The following CLEC19A variants were observed in gnomAD, a reference collection of about 807,000 sequenced individuals.
The protein encoded by CLEC19A is C-type lectin domain containing 19A.
Under a neutral mutation model 26.1 loss-of-function variants are expected in CLEC19A, and 21 were observed. That is an observed-to-expected ratio of 0.80 (90% CI 0.57 to 1.16). The LOEUF (loss-of-function observed/expected upper bound fraction) is 1.16. Ranked by LOEUF, CLEC19A falls within the 50% of genes most tolerant of loss-of-function variation. The pLI is 0.00. For synonymous variants in CLEC19A, 89 were observed against 88.6 expected (o/e 1.00, Z -0.03); for missense variants, 224 against 227.6 (o/e 0.98, Z 0.10).
At chr16:19,307,464 T>C in intron 3 of CLEC19A, 81 bp from the exon 4 acceptor site, 1 of 1,504,234 alleles carries the variant, frequency 6.6e-7, no homozygotes, top group Non-Finnish European at 9.0e-7. Flanking sequence ...TGCTAAGACG[T>C]CTGAGCTGGA....
At chr16:19,299,833 C>T (rs997960379) in intron 2 of CLEC19A, among the ~76,000 whole-genome samples, 8 of 152,212 alleles carry the variant, frequency 5.3e-5, no homozygotes, top group Admixed American at 2.6e-4. Flanking sequence ...ACCCAAGCTA[C>T]AAATCACAAT....
intron 1 of CLEC19A, among the ~76,000 whole-genome samples, chr16:19,291,433 CA>C (rs1897581236): frequency 6.6e-6 from 1 of 152,210 alleles, no homozygotes; most frequent in Non-Finnish European, 1.5e-5. Flanking sequence ...GCAAGTTGGC[CA>C]ACCTTTCTGT....
intron 1 of CLEC19A, among the ~76,000 whole-genome samples, chr16:19,286,269 G>GAA (rs1897468796): frequency 1.3e-5 from 2 of 152,378 alleles, no homozygotes; most frequent in South Asian, 4.1e-4. Flanking sequence ...ATAACATGAG[G>GAA]AAAGTGCTTT....
chr16:19,293,198 G>A (rs1213914206), intron 1 of CLEC19A, among the ~76,000 whole-genome samples: 1 of 152,184 alleles, frequency 6.6e-6, no homozygotes, highest in Non-Finnish European at 1.5e-5. Context: ...GCCAATTCTT[G>A]TCAATTTTAT....
At chr16:19,286,006 G>T in intron 1 of CLEC19A, 67 bp downstream of exon 1, 1 of 1,456,522 alleles carries the variant, frequency 6.9e-7, no homozygotes. Context: ...TATTCTATCG[G>T]TGAGGCCTGG....
At chr16:19,295,346 G>T (rs936421485) in intron 1 of CLEC19A, among the ~76,000 whole-genome samples, 1 of 152,020 alleles carries the variant, frequency 6.6e-6, no homozygotes, top group Non-Finnish European at 1.5e-5. Flanking sequence ...AGGACTACAG[G>T]CACACTCCAC....
At chr16:19,301,740 T>TTTG (rs1567255417) in intron 2 of CLEC19A, among the ~76,000 whole-genome samples, 4 of 94,818 alleles carry the variant, frequency 4.2e-5, no homozygotes, top group African/African-American at 6.4e-5. Context: ...TTTTTGGTTT[T>TTTG]TTTTTTTTTT....
chr16:19,301,543 G>A (rs179215), intron 2 of CLEC19A, among the ~76,000 whole-genome samples: 92,280 of 151,772 alleles, frequency 0.61, 29,227 homozygotes, highest in East Asian at 0.83. Flanking sequence ...TCAACTTGGA[G>A]ATAGCAATAA....
intron 1 of CLEC19A, among the ~76,000 whole-genome samples, chr16:19,297,471 TA>T (rs1339921959): frequency 6.6e-6 from 1 of 152,182 alleles, no homozygotes; most frequent in African/African-American, 2.4e-5. Context: ...ATTAAAGCCT[TA>T]AAAATCTCTC....
At chr16:19,302,675 T>C (rs943724823) in intron 2 of CLEC19A, among the ~76,000 whole-genome samples, 2 of 152,194 alleles carry the variant, frequency 1.3e-5, no homozygotes, top group African/African-American at 4.8e-5. Flanking sequence ...CTGTGAATGA[T>C]TTGAGTGAGG....
At chr16:19,303,951 C>T in intron 2 of CLEC19A, 111 bp from the exon 3 acceptor site, 1 of 834,766 alleles carries the variant, frequency 1.2e-6, no homozygotes. Flanking sequence ...TGGATCATAT[C>T]CTCTATTTAC....
chr16:19,286,029 G>C (rs1246092725), intron 1 of CLEC19A, 90 bp downstream of exon 1: 6 of 1,324,894 alleles, frequency 4.5e-6, no homozygotes, highest in Non-Finnish European at 4.2e-6. Flanking sequence ...GCTTCTGTTG[G>C]GGGGTTGGGG....
intron 1 of CLEC19A, among the ~76,000 whole-genome samples, chr16:19,295,300 T>G (rs1897683804): frequency 1.3e-5 from 2 of 152,018 alleles, no homozygotes; most frequent in African/African-American, 4.8e-5. Context: ...ATTTCGATCT[T>G]CCATACTCAA....
chr16:19,301,735 GGTTTTTTTTTTTTTT>G (rs1425669100), intron 2 of CLEC19A, among the ~76,000 whole-genome samples: 2 of 35,126 alleles, frequency 5.7e-5, no homozygotes, highest in East Asian at 1.1e-3. Context: ...AGGTTTTTTT[GGTTTTTTTTTTTTTT>G]TTTTTTTTTT....
At chr16:19,298,979 C>T (rs1897762171) in intron 2 of CLEC19A, 141 bp downstream of exon 2, 1 of 936,004 alleles carries the variant, frequency 1.1e-6, no homozygotes, top group South Asian at 1.8e-5. Context: ...TGCTATGTTG[C>T]CCAGGCCACT....
Position 19,304,138 on chromosome 16 carries a change from C to G in CLEC19A, c.331C>G (p.Leu111Val). The G allele has an allele frequency of 6.4e-7, 1 of 1,550,578 alleles. No individual in the cohort carries two copies. Among genetic ancestry groups the G allele is most frequent in the Non-Finnish European group, 8.7e-7 (1 of 1,146,948 alleles). Residue 111 changes from leucine to valine, a missense_variant, in exon 3 of 5, where the codon CTT (leucine) becomes GTT (valine). Transcript: ENST00000636231. Reference sequence around the variant, plus strand: ...CATCCCAGCTGACGTCTGGACAGGCCTTCATGATCACAGACAGGTGAGAAA... The same window carrying G: ...CATCCCAGCTGACGTCTGGACAGGCGTTCATGATCACAGACAGGTGAGAAA... ...PGIPADVWTGLHDHRQEGQFE... is the reference protein window; with the variant it reads ...PGIPADVWTGVHDHRQEGQFE...
At position 19,304,131 on chromosome 16, in the gene CLEC19A, G is replaced by C. The variant is rs763809053; in HGVS notation, c.324G>C (p.Trp108Cys). The C allele has an allele frequency of 4.5e-6, 7 of 1,550,506 alleles. No individual in the cohort carries two copies. Among genetic ancestry groups the C allele is most frequent in the Admixed American group, 3.9e-5 (2 of 50,986 alleles). ...SCVPGIPADV[W>C]TGLHDHRQEG... ...TTCCCGGCATCCCAGCTGACGTCTG[G>C]ACAGGCCTTCATGATCACAGACAGG... Residue 108 changes from tryptophan to cysteine, a missense_variant, in exon 3 of 5, where the codon TGG becomes TGC. By Grantham distance (215) the Trp-to-Cys change is radical. Transcript: ENST00000636231.
intron 2 of CLEC19A, among the ~76,000 whole-genome samples, chr16:19,300,411 G>A (rs1237278342): frequency 6.7e-6 from 1 of 150,346 alleles, no homozygotes; most frequent in African/African-American, 2.5e-5. Flanking sequence ...AGCCTGACGT[G>A]GTGATGCACA....
At position 19,298,698 on chromosome 16, in the gene CLEC19A, C is replaced by T. The variant is rs1360911778; in HGVS notation, c.114C>T (p.Ser38=). 1 of 1,551,180 alleles carries T rather than the reference C, an allele frequency of 6.4e-7. No homozygotes were observed. Among genetic ancestry groups the T allele is most frequent in the Non-Finnish European group, 8.7e-7 (1 of 1,147,112 alleles). The stretch of plus-strand genomic sequence containing the variant: ...CCCTGCCAGAGCTGCCCCTGCCTTC[C>T]CTGTGCCCCCTGTTCTGGATGGAGT... ...SPALPELPLP[S]LCPLFWMEFK... The change falls in exon 2 of 5, where the codon TCC becomes TCT. Residue 38 remains serine, a synonymous_variant. Coordinates refer to ENST00000636231, the MANE Select transcript of CLEC19A (RefSeq NM_001256720.2).
Sources: allele counts gnomAD v4.1 joint callset (sites outside exome capture counted in the v4.1 genomes callset), GRCh38; gene constraint gnomAD v4.1.1; transcripts MANE v1.5; gene names NCBI Gene and HGNC (gene_info 2026-07-23, HGNC 2026-07-21).